Variants in CFAP47 observed in about 807,000 individuals in gnomAD.
CFAP47 encodes the protein cilia- and flagella-associated protein 47.
In CFAP47, 29 loss-of-function variants were observed where a neutral mutation model predicts 148.1. That is an observed-to-expected ratio of 0.20 (90% CI 0.15 to 0.27). CFAP47 has a LOEUF of 0.27. Ranked by LOEUF, CFAP47 falls within the 10% of genes least tolerant of loss-of-function variation. CFAP47 has a pLI of 1.00. For synonymous variants in CFAP47, 664 were observed against 577.3 expected, an observed-to-expected ratio of 1.15 and a Z score of -2.15; for missense variants, 1,872 against 1,697.5, an observed-to-expected ratio of 1.10 and a Z score of -1.81.
intron 30 of CFAP47, among the ~76,000 whole-genome samples, chrX:36,086,509 T>C (rs927022042): frequency 5.4e-5 from 6 of 111,939 alleles, no homozygotes. Flanking sequence ...GAGATGTTCA[T>C]CTATCCTAGC....
chrX:36,305,773 C>G (rs782572036), intron 54 of CFAP47, among the ~76,000 whole-genome samples: 67 of 111,169 alleles, frequency 6.0e-4, no homozygotes, highest in African/African-American at 2.1e-3. Flanking sequence ...ATTATTTTTG[C>G]TAAGTCTGAC....
At chrX:35,924,573 ATATATGCG>A (rs1258886148) in intron 1 of CFAP47, among the ~76,000 whole-genome samples, 33 of 105,544 alleles carry the variant, frequency 3.1e-4, no homozygotes, top group African/African-American at 1.0e-3. Context: ...ATATATGTGT[ATATATGCG>A]CATATATACA....
At chrX:36,344,261 A>G (rs782087595) in intron 57 of CFAP47, among the ~76,000 whole-genome samples, 1 of 109,619 alleles carries the variant, frequency 9.1e-6, no homozygotes, top group Non-Finnish European at 1.9e-5. Context: ...GAGAAAGAAA[A>G]AAAAAAAGGA....
chrX:36,038,380 T>A (rs534340151), intron 24 of CFAP47, among the ~76,000 whole-genome samples: 13 of 112,316 alleles, frequency 1.2e-4, no homozygotes, highest in African/African-American at 2.9e-4. Flanking sequence ...ATGGAAACTG[T>A]CCCCAGAAAC....
At chrX:36,047,774 C>T (rs1184259110) in intron 26 of CFAP47, among the ~76,000 whole-genome samples, 1 of 111,957 alleles carries the variant, frequency 8.9e-6, no homozygotes, top group African/African-American at 3.2e-5. Context: ...AGGACTGATT[C>T]ATGTGTTTGG....
intron 4 of CFAP47, among the ~76,000 whole-genome samples, chrX:35,948,809 G>C: frequency 9.1e-6 from 1 of 109,809 alleles, no homozygotes; most frequent in South Asian, 3.9e-4. Context: ...GCGTGTGTGT[G>C]TGTGTGTGTA....
At chrX:36,233,949 T>A (rs1415084851) in intron 46 of CFAP47, among the ~76,000 whole-genome samples, 1 of 111,706 alleles carries the variant, frequency 9.0e-6, no homozygotes, top group Non-Finnish European at 1.9e-5. Context: ...TGGCCCCCAC[T>A]CTCTTCTGGC....
At chrX:36,248,023 T>C (rs1020314759) in intron 48 of CFAP47, among the ~76,000 whole-genome samples, 59 of 109,759 alleles carry the variant, frequency 5.4e-4, no homozygotes, top group Middle Eastern at 5.1e-3. Context: ...ACTTGAGACA[T>C]AAAATTATTA....
intron 22 of CFAP47, among the ~76,000 whole-genome samples, chrX:36,024,048 T>C (rs1937189441): frequency 8.9e-6 from 1 of 112,146 alleles, no homozygotes; most frequent in African/African-American, 3.2e-5. Context: ...CTTAATGTGC[T>C]GAGTCTCACC....
At chrX:36,368,332 G>A (rs782391216) in intron 62 of CFAP47, among the ~76,000 whole-genome samples, 1 of 111,833 alleles carries the variant, frequency 8.9e-6, no homozygotes, top group Admixed American at 9.6e-5. Flanking sequence ...AGTGAATGGA[G>A]GTAGATTAGT....
chrX:36,361,536 A>G (rs1039431499), intron 61 of CFAP47, 35 bp downstream of exon 61: 2 of 634,531 alleles, frequency 3.2e-6, no homozygotes, highest in Non-Finnish European at 4.5e-6. Flanking sequence ...TTTAAACAAT[A>G]GTATTACCCT....
intron 54 of CFAP47, among the ~76,000 whole-genome samples, chrX:36,304,476 A>G (rs1347299816): frequency 9.0e-5 from 10 of 111,662 alleles, no homozygotes; most frequent in African/African-American, 3.3e-4. Context: ...GTTAATATAA[A>G]TTTTTAAAAT....
At chrX:35,924,471 ATG>A (rs1935695778) in intron 1 of CFAP47, among the ~76,000 whole-genome samples, 1 of 105,629 alleles carries the variant, frequency 9.5e-6, no homozygotes, top group African/African-American at 3.5e-5. Flanking sequence ...GTGCACCTAT[ATG>A]TGTATATATG....
At chrX:36,098,215 C>T (rs1489049306) in intron 30 of CFAP47, among the ~76,000 whole-genome samples, 7 of 111,776 alleles carry the variant, frequency 6.3e-5, no homozygotes, top group Admixed American at 2.9e-4. Flanking sequence ...TCCTTCTCCA[C>T]GTTATGTTGA....
chrX:36,142,346 T>G (rs1464353141), intron 35 of CFAP47, among the ~76,000 whole-genome samples: 5 of 111,403 alleles, frequency 4.5e-5, no homozygotes, highest in Non-Finnish European at 5.7e-5. Context: ...TTGATTTTTT[T>G]GTTATGATTT....
intron 25 of CFAP47, among the ~76,000 whole-genome samples, chrX:36,043,106 A>G (rs745393715): frequency 1.8e-5 from 2 of 112,227 alleles, no homozygotes; most frequent in South Asian, 3.7e-4. Context: ...TCCAAATTGT[A>G]TTGTATCTCT....
At chrX:35,929,783 G>A (rs1935797974) in intron 2 of CFAP47, among the ~76,000 whole-genome samples, 1 of 111,108 alleles carries the variant, frequency 9.0e-6, no homozygotes, top group East Asian at 2.8e-4. Context: ...CGGATCACTT[G>A]AGGCCAGGAG....
chrX:35,932,153 A>C (rs1242911682), intron 2 of CFAP47, among the ~76,000 whole-genome samples: 1 of 108,004 alleles, frequency 9.3e-6, no homozygotes, highest in African/African-American at 3.4e-5. Context: ...GGCTCTAATG[A>C]TCCTCCCTCC....
At chrX:35,933,266 T>C (rs760769139) in intron 2 of CFAP47, among the ~76,000 whole-genome samples, 2 of 107,258 alleles carry the variant, frequency 1.9e-5, no homozygotes, top group Non-Finnish European at 3.8e-5. Context: ...CTACTCTCTA[T>C]CTTCATGAGT....
Sources: gnomAD v4.1 joint callset for allele counts (sites outside exome capture counted in the v4.1 genomes callset) on GRCh38, gnomAD v4.1.1 for gene constraint, MANE v1.5 for transcripts, NCBI Gene and HGNC (gene_info 2026-07-23, HGNC 2026-07-21) for gene names.